VWF: variants seen among roughly 807,000 people sequenced by gnomAD.
VWF encodes Factor VIII related antigen.
VWF carries 176 observed loss-of-function variants against 308.6 expected under a neutral mutation model. The ratio of observed to expected loss-of-function variants is 0.57; its 90% confidence interval spans 0.50 to 0.65. VWF has a LOEUF of 0.65. VWF is among the 30% of genes least tolerant of loss of function. VWF has a pLI of 0.00. For synonymous variants in VWF, 1,385 were observed against 1,443.4 expected (o/e 0.96, Z 0.92); for missense variants, 3,146 against 3,648.2 (o/e 0.86, Z 3.55).
chr12:6,087,816 T>C (rs541146665), intron 6 of VWF, among the ~76,000 whole-genome samples: 1 of 152,234 alleles, frequency 6.6e-6, no homozygotes, highest in Admixed American at 6.5e-5. Context: ...ATTCCTAACA[T>C]TGATGAAAAG....
At chr12:6,001,842 C>T (rs771122909) in intron 34 of VWF, among the ~76,000 whole-genome samples, 22 of 151,996 alleles carry the variant, frequency 1.4e-4, no homozygotes, top group Admixed American at 4.6e-4. Flanking sequence ...TATTAGATCA[C>T]GAAGAAAATA....
intron 6 of VWF, among the ~76,000 whole-genome samples, chr12:6,081,861 G>T (rs1447262697): frequency 6.6e-6 from 1 of 152,192 alleles, no homozygotes; most frequent in South Asian, 2.1e-4. Context: ...TCCAGATGAT[G>T]TATCTGAAGC....
rs758101866 is a variant in VWF at position 6,016,661 on chromosome 12, A to G, written c.5171-5T>C. On this transcript the variant is annotated splice_region_variant and splice_polypyrimidine_tract_variant and intron_variant, in intron 29 of 51. Coordinates refer to ENST00000261405, the MANE Select transcript of VWF (RefSeq NM_000552.5). ...ACACCTGAGTGAGACGAGGCCCTAA[A>G]CGGAACGAGAAAATGCGGATTATTT... The G allele has an allele frequency of 1.9e-6, 3 of 1,614,190 alleles. No individual in the cohort carries two copies. The East Asian group carries it at 6.7e-5, about 36-fold the overall frequency.
chr12:6,012,643 G>A (rs931650898), intron 32 of VWF, among the ~76,000 whole-genome samples: 15 of 151,894 alleles, frequency 9.9e-5, no homozygotes, highest in South Asian at 2.1e-4. Flanking sequence ...ATCTAGTAAC[G>A]GGAAAATATA....
intron 43 of VWF, among the ~76,000 whole-genome samples, chr12:5,974,398 T>A (rs1159993): frequency 1.3e-5 from 2 of 152,214 alleles, no homozygotes; most frequent in East Asian, 3.9e-4. Context: ...TGGTTCCTCC[T>A]CCACTCCTGC....
chr12:6,092,708 A>G (rs1202390142), intron 6 of VWF, among the ~76,000 whole-genome samples: 1 of 148,760 alleles, frequency 6.7e-6, no homozygotes, highest in African/African-American at 2.5e-5. Context: ...GAGACCACCA[A>G]CCACGGAATG....
Position 6,009,228 on chromosome 12 carries a change from C to T in VWF, c.5842+2389G>A, listed in dbSNP as rs560749170. The stretch of plus-strand genomic sequence containing the variant: ...ATCCAAAATATATTAGGAACTCATA[C>T]AACTCAATAGCAAAAAAAAAAAAAA... On this transcript the variant is annotated intron_variant, in intron 34 of 51. Coordinates refer to ENST00000261405, the MANE Select transcript of VWF (RefSeq NM_000552.5). Among the ~76,000 whole-genome samples the T allele has an allele frequency of 1.3e-3, 190 of 141,750 alleles. 3 individuals carry two copies. The highest frequency in any genetic ancestry group is 4.5e-3 in the African/African-American group (175 of 38,640). 93.0% of individuals were successfully genotyped at this position (141,750 alleles called of 152,430 possible).
chr12:6,112,567 T>C (rs1744140301), intron 3 of VWF, among the ~76,000 whole-genome samples: 2 of 151,994 alleles, frequency 1.3e-5, no homozygotes, highest in South Asian at 4.2e-4. Context: ...AGGGGTAAAG[T>C]TGGTCTTAAA....
intron 42 of VWF, among the ~76,000 whole-genome samples, chr12:5,978,199 T>TTTACACAAA (rs1427564543): frequency 2.6e-5 from 4 of 151,526 alleles, no homozygotes; most frequent in African/African-American, 7.3e-5. Context: ...AAACCTAGTA[T>TTTACACAAA]TTACACAAAT....
intron 38 of VWF, among the ~76,000 whole-genome samples, chr12:5,987,641 G>A (rs1396108371): frequency 5.3e-5 from 8 of 152,220 alleles, no homozygotes; most frequent in Non-Finnish European, 1.0e-4. Flanking sequence ...CACACACACC[G>A]TGGAATACCA....
At chr12:6,103,342 A>G (rs1017594084) in intron 5 of VWF, among the ~76,000 whole-genome samples, 1 of 143,534 alleles carries the variant, frequency 7.0e-6, no homozygotes, top group African/African-American at 2.5e-5. Context: ...ATATATATAT[A>G]TATGTGTGTA....
At chr12:5,951,355 G>A (rs772891330) in intron 50 of VWF, among the ~76,000 whole-genome samples, 3 of 152,184 alleles carry the variant, frequency 2.0e-5, no homozygotes, top group Non-Finnish European at 4.4e-5. Context: ...CATGTGGGCT[G>A]TTGTCAGCCA....
At chr12:6,117,744 G>C (rs1237124493) in intron 3 of VWF, among the ~76,000 whole-genome samples, 2 of 152,162 alleles carry the variant, frequency 1.3e-5, no homozygotes, top group African/African-American at 4.8e-5. Flanking sequence ...GAACCTGGGA[G>C]GGGGAGGTTG....
chr12:5,950,984 G>A (rs969623838), intron 50 of VWF, among the ~76,000 whole-genome samples: 4 of 152,170 alleles, frequency 2.6e-5, no homozygotes, highest in African/African-American at 7.2e-5. Flanking sequence ...TGTCAAGAAT[G>A]AATGATTGAA....
At chr12:6,048,792 C>A (rs1944475456) in intron 16 of VWF, among the ~76,000 whole-genome samples, 1 of 152,216 alleles carries the variant, frequency 6.6e-6, no homozygotes, top group South Asian at 2.1e-4. Flanking sequence ...ATTTTTAATG[C>A]AGCTGCTGTT....
intron 5 of VWF, among the ~76,000 whole-genome samples, chr12:6,099,793 A>G (rs949464997): frequency 2.6e-5 from 4 of 152,118 alleles, no homozygotes; most frequent in South Asian, 4.1e-4. Context: ...AAAACCCTAG[A>G]AGAAAACCTA....
At chr12:6,106,685 G>C (rs1945247865) in intron 5 of VWF, among the ~76,000 whole-genome samples, 1 of 152,010 alleles carries the variant, frequency 6.6e-6, no homozygotes, top group Non-Finnish European at 1.5e-5. Context: ...GAGCAGCCTG[G>C]CCAACATGGT....
chr12:5,985,713 G>C, intron 38 of VWF, 48 bp from the exon 39 acceptor site: 1 of 1,566,690 alleles, frequency 6.4e-7, no homozygotes, highest in Non-Finnish European at 8.8e-7. Context: ...TTCTAGGTAC[G>C]AAGCCCAGAA....
At chr12:6,113,094 TC>T (rs1945327749) in intron 3 of VWF, among the ~76,000 whole-genome samples, 1 of 152,058 alleles carries the variant, frequency 6.6e-6, no homozygotes, top group African/African-American at 2.4e-5. Flanking sequence ...GAGCTCCAGA[TC>T]AACACAACTG....
Sources: gnomAD v4.1 joint callset for allele counts (sites outside exome capture counted in the v4.1 genomes callset) on GRCh38, gnomAD v4.1.1 for gene constraint, MANE v1.5 for transcripts, NCBI Gene and HGNC (gene_info 2026-07-23, HGNC 2026-07-21) for gene names.